SMG6: variants seen among roughly 807,000 people sequenced by gnomAD.
SMG6 encodes SMG6 nonsense mediated mRNA decay factor, also known as telomerase-binding protein EST1A.
Under a neutral mutation model 142.2 loss-of-function variants are expected in SMG6, and 66 were observed. The ratio of observed to expected loss-of-function variants is 0.46; its 90% confidence interval spans 0.38 to 0.57. The LOEUF is 0.57. SMG6 is among the 20% of genes least tolerant of loss of function. SMG6 has a pLI of 0.00. For synonymous variants in SMG6, 779 were observed against 702.4 expected, an observed-to-expected ratio of 1.11 and a Z score of -1.72; for missense variants, 1,793 against 1,832.0, an observed-to-expected ratio of 0.98 and a Z score of 0.39.
intron 12 of SMG6, among the ~76,000 whole-genome samples, chr17:2,180,821 G>A (rs990783299): frequency 1.2e-4 from 19 of 152,186 alleles, no homozygotes; most frequent in Admixed American, 3.9e-4. Context: ...AAAAGCAAAG[G>A]AGACTTCCTC....
At chr17:2,133,267 C>T (rs1225050285) in intron 13 of SMG6, among the ~76,000 whole-genome samples, 1 of 151,966 alleles carries the variant, frequency 6.6e-6, no homozygotes, top group Non-Finnish European at 1.5e-5. Context: ...AGTTTAAAAA[C>T]GTAAAATTCT....
At chr17:2,215,516 A>G (rs951670243) in intron 10 of SMG6, 2 of 152,232 alleles carry the variant, frequency 1.3e-5, no homozygotes, top group African/African-American at 2.4e-5. Context: ...TTCTTAATAA[A>G]TATCTTGCAG....
intron 15 of SMG6, among the ~76,000 whole-genome samples, chr17:2,074,710 G>A (rs2068208307): frequency 6.6e-6 from 1 of 152,230 alleles, no homozygotes; most frequent in South Asian, 2.1e-4. Context: ...ACCGCCTGTT[G>A]TATCATAGGA....
intron 8 of SMG6, among the ~76,000 whole-genome samples, chr17:2,245,359 C>A (rs1028019295): frequency 1.3e-5 from 2 of 152,108 alleles, no homozygotes; most frequent in Admixed American, 1.3e-4. Context: ...TCTATGTAGG[C>A]CCAAGCTGGA....
At chr17:2,204,029 T>C (rs1052893125) in intron 10 of SMG6, among the ~76,000 whole-genome samples, 10 of 152,076 alleles carry the variant, frequency 6.6e-5, no homozygotes, top group African/African-American at 2.2e-4. Flanking sequence ...AGTGGCATGG[T>C]CATAGCTCAC....
intron 13 of SMG6, among the ~76,000 whole-genome samples, chr17:2,120,273 A>T (rs985867257): frequency 6.6e-6 from 1 of 152,274 alleles, no homozygotes; most frequent in South Asian, 2.1e-4. Flanking sequence ...GGTAAGACAC[A>T]GGCTTTGTGA....
chr17:2,154,741 C>T (rs1247507034), intron 13 of SMG6, among the ~76,000 whole-genome samples: 1 of 152,148 alleles, frequency 6.6e-6, no homozygotes, highest in Non-Finnish European at 1.5e-5. Context: ...CACCTGCTAA[C>T]CTCTAATTAA....
At chr17:2,111,794 G>A (rs1374866378) in intron 13 of SMG6, among the ~76,000 whole-genome samples, 2 of 152,180 alleles carry the variant, frequency 1.3e-5, no homozygotes. Context: ...TACACAGTTT[G>A]AAGGAAGGAG....
At chr17:2,064,955 A>C in intron 18 of SMG6, 118 bp downstream of exon 18, 1 of 789,236 alleles carries the variant, frequency 1.3e-6, no homozygotes, top group East Asian at 2.5e-5. Context: ...AGCCCTGAGC[A>C]CTGATTCCTT....
intron 8 of SMG6, among the ~76,000 whole-genome samples, chr17:2,273,399 G>A (rs998556290): frequency 5.3e-5 from 8 of 152,120 alleles, no homozygotes; most frequent in South Asian, 4.1e-4. Context: ...AGTGGCTCAC[G>A]CCTGTAATCC....
At chr17:2,142,691 C>T (rs1374564675) in intron 13 of SMG6, among the ~76,000 whole-genome samples, 2 of 151,802 alleles carry the variant, frequency 1.3e-5, no homozygotes, top group Non-Finnish European at 2.9e-5. Flanking sequence ...CGAGACCAGC[C>T]TGACCAACAT....
At chr17:2,077,345 C>T (rs1213451428) in intron 15 of SMG6, among the ~76,000 whole-genome samples, 4 of 152,108 alleles carry the variant, frequency 2.6e-5, no homozygotes, top group Non-Finnish European at 4.4e-5. Flanking sequence ...GTCACAGGAA[C>T]GCTAAGCAGA....
chr17:2,152,129 AG>A (rs1271619066), intron 13 of SMG6, among the ~76,000 whole-genome samples: 2 of 152,248 alleles, frequency 1.3e-5, no homozygotes, highest in Non-Finnish European at 2.9e-5. Flanking sequence ...GAGTGATGGC[AG>A]GAAGTGAGGA....
intron 13 of SMG6, among the ~76,000 whole-genome samples, chr17:2,143,639 G>C (rs1223829166): frequency 6.6e-6 from 1 of 152,164 alleles, no homozygotes; most frequent in Non-Finnish European, 1.5e-5. Flanking sequence ...AAAATGTTCT[G>C]AAATTAGTGG....
intron 10 of SMG6, among the ~76,000 whole-genome samples, chr17:2,202,163 A>G (rs1032627439): frequency 6.6e-6 from 1 of 152,272 alleles, no homozygotes; most frequent in Non-Finnish European, 1.5e-5. Flanking sequence ...TGGAGGAGAA[A>G]ACACCAAATA....
At chr17:2,255,698 T>C (rs2074159306) in intron 8 of SMG6, 1 of 183,470 alleles carries the variant, frequency 5.5e-6, no homozygotes, top group Non-Finnish European at 1.1e-5. Context: ...CAACAGCTCA[T>C]TGAGACGGGC....
chr17:2,065,620 A>G lies in SMG6; in HGVS notation c.3895T>C (p.Tyr1299His), dbSNP rs771346257. The G allele has an allele frequency of 2.5e-6, 4 of 1,613,984 alleles. No individual in the cohort carries two copies. In the East Asian group the frequency reaches 6.7e-5, roughly 27 times the overall value. Residue 1299 changes from tyrosine (Y) to histidine (H), a missense_variant, in exon 17 of 19, where the codon TAC becomes CAC. This residue lies in a region of SMG6 where 179 missense variants were observed against 212.6 expected (regional missense o/e 0.84). Coordinates refer to ENST00000263073, the MANE Select transcript of SMG6 (RefSeq NM_017575.5). ...GCCTTCTCTTGTACCACACGGGCGT[A>G]GCCCCCAGCCCGGTGGTCTGTCTCC... ...GQETDHRAGG[Y>H]ARVVQEKARK...
At chr17:2,145,182 C>T (rs1004385424) in intron 13 of SMG6, among the ~76,000 whole-genome samples, 1 of 152,014 alleles carries the variant, frequency 6.6e-6, no homozygotes, top group East Asian at 1.9e-4. Context: ...GGGGTGAAAT[C>T]GGTTCACTGC....
chr17:2,195,999 A>AC (rs1186282967), intron 10 of SMG6, among the ~76,000 whole-genome samples: 1 of 152,224 alleles, frequency 6.6e-6, no homozygotes, highest in African/African-American at 2.4e-5. Flanking sequence ...AGAGATGATG[A>AC]CTGTGTGGAA....
Sources: allele counts gnomAD v4.1 joint callset (sites outside exome capture counted in the v4.1 genomes callset), GRCh38; gene constraint gnomAD v4.1.1; regional missense constraint gnomAD v4.1.1; transcripts MANE v1.5; gene names NCBI Gene and HGNC (gene_info 2026-07-23, HGNC 2026-07-21).